SLC26A11: variants seen among roughly 807,000 people sequenced by gnomAD.
SLC26A11 encodes solute carrier family 26 member 11.
SLC26A11 carries 58 observed loss-of-function variants against 62.2 expected under a neutral mutation model. That is an observed-to-expected ratio of 0.93 (90% CI 0.76 to 1.16). The LOEUF is 1.16. SLC26A11 is among the 50% of genes most tolerant of loss of function. The probability of loss-of-function intolerance (pLI) is 0.00; values close to 1 mark genes in which losing one functional copy is unlikely to be tolerated. For missense variants in SLC26A11, 790 were observed against 794.3 expected (o/e 0.99, Z 0.06); for synonymous variants, 411 against 368.9 (o/e 1.11, Z -1.31).
chr17:80,220,435 G>C lies in SLC26A11; in HGVS notation c.-275G>C. The C allele has an allele frequency of 4.2e-6, 4 of 952,948 alleles. No individual in the cohort carries two copies. Among genetic ancestry groups the C allele is most frequent in the Non-Finnish European group, 5.7e-6 (4 of 701,832 alleles). 59.0% of individuals were successfully genotyped at this position (952,948 alleles called of 1,614,324 possible). ...CCAGACCCCGCCCCGGCCTGTCCCC[G>C]GCGATTCCTGCGGACCCAGCTGCGG... On this transcript the variant is annotated 5_prime_UTR_variant, in exon 1 of 18. Transcript: ENST00000361193.
At chr17:80,237,968 A>G (rs142586500) in intron 9 of SLC26A11, among the ~76,000 whole-genome samples, 1,935 of 152,370 alleles carry the variant, frequency 0.013, 18 homozygotes, top group Non-Finnish European at 0.019. Flanking sequence ...GAACAATCAT[A>G]TTCTATGGTG....
Position 80,246,719 on chromosome 17 carries a change from AC to A in SLC26A11, c.1294+74del. 2 of 1,544,820 alleles carry A rather than the reference AC, an allele frequency of 1.3e-6. No homozygotes were observed. The highest frequency in any genetic ancestry group is 4.8e-5 in the East Asian group (2 of 41,430). ...GAACGCGGAGGGTGTCATTTATGCT[AC>A]CCCATTTTCCTGCAGCCCCCTCTGT... On this transcript the variant is annotated intron_variant, in intron 13 of 17. Transcript: ENST00000361193. This position sits in a 1 kb window ranked among gnomAD's most constrained non-coding sequence, Gnocchi z 4.4.
chr17:80,251,768 A>C (rs1598851296), intron 17 of SLC26A11, among the ~76,000 whole-genome samples: 2 of 151,802 alleles, frequency 1.3e-5, no homozygotes, highest in South Asian at 2.1e-4. Context: ...GTCTCAAAAA[A>C]AAAAAAAACA....
intron 6 of SLC26A11, among the ~76,000 whole-genome samples, chr17:80,226,414 C>T (rs1263723523): frequency 6.6e-6 from 1 of 152,060 alleles, no homozygotes; most frequent in African/African-American, 2.4e-5. Flanking sequence ...TAAAGAGCCT[C>T]TGATGGCCGG....
Position 80,221,722 on chromosome 17 carries a change from C to A in SLC26A11, c.162C>A (p.Ala54=), listed in dbSNP as rs765404032. The part of the protein sequence containing the change: ...SLQWLKMDFV[A]GLSVGLTAIP... Reference sequence around the variant, plus strand: ...AGTGGCTGAAGATGGATTTCGTCGCCGGCCTCTCAGTTGGCCTCACTGCCA... The same window carrying A: ...AGTGGCTGAAGATGGATTTCGTCGCAGGCCTCTCAGTTGGCCTCACTGCCA... Residue 54 remains alanine (A), a synonymous_variant, in exon 3 of 18, where the codon GCC becomes GCA. Transcript: ENST00000361193. The A allele has an allele frequency of 4.3e-6, 7 of 1,613,726 alleles. No individual in the cohort carries two copies. Among genetic ancestry groups the A allele is most frequent in the Non-Finnish European group, 5.9e-6 (7 of 1,180,038 alleles).
At chr17:80,225,989 C>G in intron 6 of SLC26A11, 73 bp downstream of exon 6, 2 of 1,387,408 alleles carry the variant, frequency 1.4e-6, no homozygotes, top group Admixed American at 3.4e-5. Context: ...GCCCCCACCT[C>G]AGTTTCCCCA....
At position 80,228,705 on chromosome 17, in the gene SLC26A11, G is replaced by A. The variant is rs995717945; in HGVS notation, c.736+745G>A. On this transcript the variant is annotated intron_variant, in intron 7 of 17. Transcript: ENST00000361193. This position sits in a 1 kb window ranked among gnomAD's most constrained non-coding sequence, Gnocchi z 4.1. ...CAGTGATCCGGCCCAAAATGTCGGC[G>A]GTGCCGAGGTGGAGAAACACAGTCT... Among the ~76,000 whole-genome samples the A allele has an allele frequency of 1.8e-4, 27 of 152,248 alleles. No individual in the cohort carries two copies. Among genetic ancestry groups the A allele is most frequent in the African/African-American group, 2.4e-5 (1 of 41,458 alleles).
intron 10 of SLC26A11, among the ~76,000 whole-genome samples, chr17:80,242,055 C>A (rs1303280301): frequency 6.6e-6 from 1 of 152,266 alleles, no homozygotes; most frequent in Non-Finnish European, 1.5e-5. Flanking sequence ...TGGCTCACTA[C>A]AACCTCTGCC....
chr17:80,239,599 G>A (rs969163609), intron 9 of SLC26A11, among the ~76,000 whole-genome samples: 11 of 151,210 alleles, frequency 7.3e-5, no homozygotes, highest in African/African-American at 2.7e-4. Context: ...CCGTGGTCTC[G>A]ATCTCCTGAC....
Position 80,225,923 on chromosome 17 carries a change from C to T in SLC26A11, c.593+7C>T, listed in dbSNP as rs59178190. 8.8e-3 allele frequency: 14,181 copies of T among 1,613,392 alleles called. 1,073 individuals carry two copies. The African/African-American group carries it at 0.16, about 19-fold the overall frequency. ...TCAGGATTGCAGAGACCAGGTACCCCGGGCTTTGTTCCTCCCTCCTATAAG... is the reference window on the plus strand; with the variant it reads ...TCAGGATTGCAGAGACCAGGTACCCTGGGCTTTGTTCCTCCCTCCTATAAG... On this transcript the variant is annotated splice_region_variant and intron_variant, in intron 6 of 17. Transcript: ENST00000361193.
At chr17:80,231,168 T>A (rs12939798) in intron 7 of SLC26A11, among the ~76,000 whole-genome samples, 36,350 of 134,400 alleles carry the variant, frequency 0.27, 4,093 homozygotes, top group East Asian at 0.51. Flanking sequence ...TCAAAAAAAA[T>A]TTTTTTTTTT....
chr17:80,232,385 G>A (rs2042588157), intron 7 of SLC26A11, among the ~76,000 whole-genome samples: 1 of 151,894 alleles, frequency 6.6e-6, no homozygotes, highest in Admixed American at 6.6e-5. Context: ...CTCCCAAGTA[G>A]CTGGAATTAC....
In SLC26A11 at chr17:80,246,129, T is replaced by TGACG; in HGVS notation, c.1098-23_1098-20dup. The TGACG allele has an allele frequency of 1.9e-6, 3 of 1,613,102 alleles. No homozygotes were observed. Among genetic ancestry groups the TGACG allele is most frequent in the Non-Finnish European group, 1.7e-6 (2 of 1,179,932 alleles). On this transcript the variant is annotated intron_variant, in intron 11 of 17. Transcript: ENST00000361193. The surrounding 1 kb of genome is among the most constrained non-coding windows in gnomAD (Gnocchi z 4.4). Reference sequence around the variant, plus strand: ...CTCCCTTTTCCCGGCCCCTGGTGACTGACGGTCTCTGTGTTGCCTTCCAGG... The same window carrying TGACG: ...CTCCCTTTTCCCGGCCCCTGGTGACTGACGGACGGTCTCTGTGTTGCCTTCCAGG...
In SLC26A11 at chr17:80,252,762, G is replaced by A; in HGVS notation, c.*46G>A. ...CACAGTTTGCAGGGTGTTCCGGAAG[G>A]TTCTTGTCACTGTGATTGGATGCTG... On this transcript the variant is annotated 3_prime_UTR_variant, in exon 18 of 18. Coordinates refer to ENST00000361193, the MANE Select transcript of SLC26A11 (RefSeq NM_001166347.2). The surrounding 1 kb of genome is among the most constrained non-coding windows in gnomAD (Gnocchi z 5.2). 1 of 1,557,750 alleles carries A rather than the reference G, an allele frequency of 6.4e-7. No individual in the cohort carries two copies. Among genetic ancestry groups the A allele is most frequent in the Non-Finnish European group, 8.8e-7 (1 of 1,135,402 alleles).
Position 80,232,819 on chromosome 17 carries a change from C to T in SLC26A11, c.737-4109C>T, listed in dbSNP as rs114066128. 6.9e-3 allele frequency among the ~76,000 whole-genome samples: 1,056 copies of T among 152,116 alleles called. 16 individuals carry two copies. Among genetic ancestry groups the T allele is most frequent in the African/African-American group, 0.024 (995 of 41,496 alleles). On this transcript the variant is annotated intron_variant, in intron 7 of 17. Transcript: ENST00000361193. ...ATTTTTTATGATTCCATTTTACATC[C>T]TTTATTGGCTGATTAGCTGTAACGG...
chr17:80,236,620 G>A (rs2042700053), intron 7 of SLC26A11, among the ~76,000 whole-genome samples: 2 of 152,192 alleles, frequency 1.3e-5, no homozygotes, highest in Admixed American at 1.3e-4. Context: ...GTGCTTTGAG[G>A]TGGATGTGCC....
chr17:80,251,185 G>C lies in SLC26A11; in HGVS notation c.1657-144G>C, dbSNP rs1274224411. On this transcript the variant is annotated intron_variant, in intron 16 of 17. Transcript: ENST00000361193. Reference sequence around the variant, plus strand: ...CTTCCTCTGACAGCATTCCCCTGGGGCTGCGTTTCTTCTCACCATTCACTG... The same window carrying C: ...CTTCCTCTGACAGCATTCCCCTGGGCCTGCGTTTCTTCTCACCATTCACTG... The C allele has an allele frequency of 3.9e-6, 6 of 1,520,278 alleles. No homozygotes were observed. The East Asian group carries it at 1.4e-4, about 35-fold the overall frequency. 94.2% of individuals were successfully genotyped at this position (1,520,278 alleles called of 1,614,324 possible). A position where few individuals can be genotyped will look rare whatever the true frequency, so the allele number is the denominator to read the frequency against.
rs759099809 is a variant in SLC26A11 at position 80,223,300 on chromosome 17, C to T, written c.476C>T (p.Ser159Phe). The change falls in exon 5 of 18, where the codon TCT becomes TTT. Residue 159 changes from serine (S) to phenylalanine (F), a missense_variant. Coordinates refer to ENST00000361193, the MANE Select transcript of SLC26A11 (RefSeq NM_001166347.2). This position sits in a 1 kb window ranked among gnomAD's most constrained non-coding sequence, Gnocchi z 4.6. ...TACCCCGTCATTAAAGGCTTCACCT[C>T]TGCTGCTGCCGTCACCATCGGCTTT... ...ISYPVIKGFT[S>F]AAAVTIGFGQ... is the part of the protein sequence containing the mutation. 1.2e-6 allele frequency: 2 copies of T among 1,614,190 alleles called. No homozygotes were observed. The highest frequency in any genetic ancestry group is 1.1e-5 in the South Asian group (1 of 91,088).
chr17:80,245,520 A>C, intron 11 of SLC26A11: 1 of 479,542 alleles, frequency 2.1e-6, no homozygotes, highest in East Asian at 3.9e-5. Flanking sequence ...TGGAGGCGGA[A>C]GCAGGAGAAT....
Sources: allele counts gnomAD v4.1 joint callset (sites outside exome capture counted in the v4.1 genomes callset), GRCh38; gene constraint gnomAD v4.1.1; non-coding constraint Gnocchi (gnomAD v3.1); transcripts MANE v1.5; gene names NCBI Gene and HGNC (gene_info 2026-07-23, HGNC 2026-07-21).